Variants in VTI1A observed in about 807,000 individuals in gnomAD.
The protein encoded by VTI1A is vesicle transport through interaction with t-SNAREs homolog 1A.
A neutral mutation model predicts 34.9 loss-of-function variants in VTI1A; 22 were observed. That is an observed-to-expected ratio of 0.63 (90% CI 0.45 to 0.90). VTI1A has a LOEUF of 0.90. Among genes scored for constraint, VTI1A ranks in the 40% least tolerant of loss-of-function variants. The probability of loss-of-function intolerance (pLI) is 0.00; values close to 1 mark genes in which losing one functional copy is unlikely to be tolerated. For synonymous variants in VTI1A, 87 were observed against 97.3 expected, an observed-to-expected ratio of 0.89 and a Z score of 0.62; for missense variants, 268 against 275.6, an observed-to-expected ratio of 0.97 and a Z score of 0.20.
At chr10:112,751,685 A>G (rs970833032) in intron 7 of VTI1A, among the ~76,000 whole-genome samples, 3 of 152,198 alleles carry the variant, frequency 2.0e-5, no homozygotes, top group African/African-American at 4.8e-5. Flanking sequence ...ACTCCACTGA[A>G]ATAAGGAAAT....
At chr10:112,708,495 G>A (rs1323013792) in intron 7 of VTI1A, among the ~76,000 whole-genome samples, 2 of 152,128 alleles carry the variant, frequency 1.3e-5, no homozygotes, top group Non-Finnish European at 2.9e-5. Context: ...CCTAAAAGTG[G>A]TAAAAAGGAA....
At chr10:112,747,862 A>G (rs938887560) in intron 7 of VTI1A, among the ~76,000 whole-genome samples, 1 of 152,164 alleles carries the variant, frequency 6.6e-6, no homozygotes, top group Non-Finnish European at 1.5e-5. Context: ...TTCCCTAGGA[A>G]GTTTTTGAAG....
At chr10:112,615,155 T>C (rs886242698) in intron 5 of VTI1A, among the ~76,000 whole-genome samples, 3 of 152,200 alleles carry the variant, frequency 2.0e-5, no homozygotes, top group Admixed American at 6.5e-5. Flanking sequence ...GTCCATGATA[T>C]TGACTTTCTG....
At chr10:112,578,023 T>C (rs1021508470) in intron 5 of VTI1A, among the ~76,000 whole-genome samples, 9 of 152,202 alleles carry the variant, frequency 5.9e-5, no homozygotes, top group African/African-American at 2.2e-4. Context: ...GGAAATACTA[T>C]GTAAATGTGA....
intron 7 of VTI1A, among the ~76,000 whole-genome samples, chr10:112,676,026 G>A (rs906134735): frequency 6.6e-6 from 1 of 152,124 alleles, no homozygotes. Context: ...AAACATTGAG[G>A]TATTTGTTAT....
At chr10:112,795,524 T>C (rs1211741533) in intron 7 of VTI1A, among the ~76,000 whole-genome samples, 1 of 147,742 alleles carries the variant, frequency 6.8e-6, no homozygotes, top group Non-Finnish European at 1.5e-5. Context: ...AGCCTCTGCC[T>C]CCTGGGTTCA....
intron 3 of VTI1A, among the ~76,000 whole-genome samples, chr10:112,470,938 G>C (rs944408618): frequency 7.2e-5 from 11 of 152,090 alleles, no homozygotes; most frequent in African/African-American, 2.7e-4. Context: ...TCCCTTTCCT[G>C]TGAGTTCATC....
intron 3 of VTI1A, among the ~76,000 whole-genome samples, chr10:112,519,187 T>C: frequency 6.6e-6 from 1 of 152,114 alleles, no homozygotes; most frequent in East Asian, 1.9e-4. Context: ...AGATGGCTGA[T>C]TCCAATCTAG....
chr10:112,565,242 G>A (rs1851870550), intron 5 of VTI1A, among the ~76,000 whole-genome samples: 1 of 151,970 alleles, frequency 6.6e-6, no homozygotes, highest in African/African-American at 2.4e-5. Flanking sequence ...GTATTTATTT[G>A]TTGTTTTTCA....
chr10:112,556,877 GTT>G (rs1409742710), intron 5 of VTI1A, among the ~76,000 whole-genome samples: 2 of 151,968 alleles, frequency 1.3e-5, no homozygotes, highest in East Asian at 3.8e-4. Flanking sequence ...AAAATTAAAA[GTT>G]TTACAGCTGG....
chr10:112,806,061 C>A (rs927907556), intron 7 of VTI1A, among the ~76,000 whole-genome samples: 1 of 152,136 alleles, frequency 6.6e-6, no homozygotes, highest in Non-Finnish European at 1.5e-5. Context: ...AGGACCTAAT[C>A]TAGATATGCC....
rs186092247 is a variant in VTI1A, at chr10:112,605,083, G to A, written c.428-63135G>A. On this transcript the variant is annotated intron_variant, in intron 5 of 7. Transcript: ENST00000393077. ...AGAGGTTATTTTTAGTTTCTGTTAT[G>A]TCCCTGACCCTGACAACGTAGCCAA... is the stretch of plus-strand genomic sequence containing the variant. Among the ~76,000 whole-genome samples, 902 of 152,070 alleles carry A rather than the reference G, an allele frequency of 5.9e-3. 1 individual carries two copies. The highest frequency in any genetic ancestry group is 8.8e-3 in the Admixed American group (134 of 15,256).
chr10:112,621,561 G>A (rs914567361), intron 5 of VTI1A, among the ~76,000 whole-genome samples: 1 of 152,102 alleles, frequency 6.6e-6, no homozygotes, highest in Non-Finnish European at 1.5e-5. Flanking sequence ...GCCAAGAAAA[G>A]AGCAAAAATT....
intron 5 of VTI1A, among the ~76,000 whole-genome samples, chr10:112,614,606 C>A (rs1370908475): frequency 5.3e-5 from 8 of 152,116 alleles, no homozygotes; most frequent in Non-Finnish European, 1.2e-4. Context: ...TATACATTAT[C>A]CAAGAGAGCT....
downstream of VTI1A, among the ~76,000 whole-genome samples, chr10:112,821,204 T>C (rs1169615957): frequency 6.6e-6 from 1 of 152,122 alleles, no homozygotes; most frequent in African/African-American, 2.4e-5. Flanking sequence ...CAAGGCCCTT[T>C]GGCGTGAATA....
At chr10:112,697,213 A>G (rs1301718608) in intron 7 of VTI1A, among the ~76,000 whole-genome samples, 1 of 147,074 alleles carries the variant, frequency 6.8e-6, no homozygotes, top group Non-Finnish European at 1.5e-5. Context: ...TTTTTTTTCC[A>G]GACAGGGTCT....
At chr10:112,452,306 C>T (rs992388115) in intron 1 of VTI1A, among the ~76,000 whole-genome samples, 1 of 152,088 alleles carries the variant, frequency 6.6e-6, no homozygotes, top group Admixed American at 6.6e-5. Context: ...CGCGGTGGCT[C>T]ACACTGTAAT....
At chr10:112,484,603 CACTT>C (rs1454261547) in intron 3 of VTI1A, among the ~76,000 whole-genome samples, 3 of 151,996 alleles carry the variant, frequency 2.0e-5, no homozygotes, top group African/African-American at 7.3e-5. Flanking sequence ...TATCGATTTT[CACTT>C]ACTTAATTAA....
At chr10:112,465,717 AT>A (rs1847874627) in intron 3 of VTI1A, among the ~76,000 whole-genome samples, 1 of 152,280 alleles carries the variant, frequency 6.6e-6, no homozygotes, top group East Asian at 1.9e-4. Flanking sequence ...GGAGGGAGAA[AT>A]GGAGAGTTGT....
Sources: gnomAD v4.1 joint callset for allele counts (sites outside exome capture counted in the v4.1 genomes callset) on GRCh38, gnomAD v4.1.1 for gene constraint, MANE v1.5 for transcripts, NCBI Gene and HGNC (gene_info 2026-07-23, HGNC 2026-07-21) for gene names.